SMC1A: variants seen among roughly 807,000 people sequenced by gnomAD.
SMC1A encodes the protein structural maintenance of chromosomes 1A, also known as structural maintenance of chromosomes protein 1A.
Under a neutral mutation model 94.5 loss-of-function variants are expected in SMC1A, and 4 were observed. The ratio of observed to expected loss-of-function variants is 0.04; its 90% CI spans 0.02 to 0.10. The LOEUF (loss-of-function observed/expected upper bound fraction) is 0.10, where lower values mean the gene tolerates loss of function less well. SMC1A is among the 10% of genes least tolerant of loss of function. SMC1A has a pLI of 1.00. For synonymous variants in SMC1A, 345 were observed against 347.7 expected, an observed-to-expected ratio of 0.99 and a Z score of 0.09; for missense variants, 304 against 989.0, an observed-to-expected ratio of 0.31 and a Z score of 9.29.
intron 5 of SMC1A, 46 bp downstream of exon 5, chrX:53,412,854 G>A (rs1049578432): frequency 1.8e-5 from 22 of 1,208,536 alleles, no homozygotes; most frequent in Non-Finnish European, 2.2e-5. Flanking sequence ...TAAACAGCAC[G>A]GCCTCTTGGT....
chrX:53,394,885 T>A lies in SMC1A; in HGVS notation c.2866A>T (p.Ser956Cys). 1.7e-6 allele frequency: 2 copies of A among 1,147,198 alleles called. No homozygotes were observed. The highest frequency in any genetic ancestry group is 2.4e-6 in the Non-Finnish European group (2 of 836,674). 94.5% of individuals were successfully genotyped at this position (1,147,198 alleles called of 1,213,427 possible). Residue 956 changes from serine (S) to cysteine (C), a missense_variant, in exon 19 of 25, where the codon AGC becomes TGC. Ser to Cys is a moderately radical substitution (Grantham distance 112). Coordinates refer to ENST00000322213, the MANE Select transcript of SMC1A (RefSeq NM_006306.4). ...CTCACTGAGTCCTCCCCCTGGGAGC[T>A]ACCCTGCAATGGCAACGGAGAGTCA... The part of the protein sequence containing the change: ...TMDDISQEEG[S>C]SQGEDSVSGS...
In SMC1A at chrX:53,418,995, C is replaced by A. The variant is rs1275574527; in HGVS notation, c.109+3497G>T. Reference sequence around the variant, plus strand: ...GGTGGAGGTTACAGTGAGCTGAGATCGCGCCACTGCACTCCAACCTGGGCG... The same window carrying A: ...GGTGGAGGTTACAGTGAGCTGAGATAGCGCCACTGCACTCCAACCTGGGCG... On this transcript the variant is annotated intron_variant, in intron 1 of 24. Coordinates refer to ENST00000322213, the MANE Select transcript of SMC1A (RefSeq NM_006306.4). Among the ~76,000 whole-genome samples, 7 of 97,566 alleles carry A rather than the reference C, an allele frequency of 7.2e-5. No homozygotes were observed. The Admixed American group carries it at 8.3e-4, about 12-fold the overall frequency. The allele number at this position is 97,566 out of a possible 115,157, so 84.7% of individuals were successfully genotyped here. A position where few individuals can be genotyped will look rare whatever the true frequency, so the allele number is the denominator to read the frequency against.
intron 22 of SMC1A, 35 bp from the exon 23 acceptor site, chrX:53,381,122 G>T: frequency 1.1e-6 from 1 of 949,988 alleles, no homozygotes. Flanking sequence ...TGACACTGAG[G>T]CGGGGAGGGG....
At position 53,377,083 on chromosome X, in the gene SMC1A, T is replaced by C. The variant is rs1346759306; in HGVS notation, c.*3020A>G. On this transcript the variant is annotated 3_prime_UTR_variant, in exon 25 of 25. Coordinates refer to ENST00000322213, the MANE Select transcript of SMC1A (RefSeq NM_006306.4). The stretch of plus-strand genomic sequence containing the variant: ...TGTGGTGCCCAGCCTCCCGTGAGCA[T>C]AGCCTTGACAACGGTTGCCCTGTGA... 3.6e-5 allele frequency: 4 copies of C among 112,034 alleles called. No individual in the cohort carries two copies. The highest frequency in any genetic ancestry group is 7.5e-5 in the Non-Finnish European group (4 of 53,221). 9.2% of individuals were successfully genotyped at this position (112,034 alleles called of 1,213,427 possible).
intron 15 of SMC1A, 113 bp from the exon 16 acceptor site, chrX:53,399,843 CAG>C (rs1470297949): frequency 1.3e-6 from 1 of 745,897 alleles, no homozygotes; most frequent in Non-Finnish European, 2.0e-6. Flanking sequence ...CTCAGGGACC[CAG>C]AGTTACTGAT....
chrX:53,397,306 T>C (rs1205428563), intron 16 of SMC1A, among the ~76,000 whole-genome samples: 2 of 111,864 alleles, frequency 1.8e-5, no homozygotes, highest in African/African-American at 6.5e-5. Context: ...GGGGGCCTGG[T>C]GGAGTGGCTT....
At position 53,405,759 on chromosome X, in the gene SMC1A, A is replaced by T. The variant is rs782452183; in HGVS notation, c.1731+12T>A. 8.3e-7 allele frequency: 1 copy of T among 1,209,550 alleles called. No homozygotes were observed. The highest frequency in any genetic ancestry group is 2.2e-5 in the Admixed American group (1 of 45,830). On this transcript the variant is annotated intron_variant, in intron 10 of 24. Coordinates refer to ENST00000322213, the MANE Select transcript of SMC1A (RefSeq NM_006306.4). ...TGAACACTGGCCTGACCCAATCCCC[A>T]ACAAGCCTCACCTCCAGGTAGTCAA...
chrX:53,396,522 G>A lies in SMC1A; in HGVS notation c.2658C>T (p.Asp886=). Residue 886 remains aspartate (D), a synonymous_variant, in exon 17 of 25, where the codon GAC becomes GAT. Coordinates refer to ENST00000322213, the MANE Select transcript of SMC1A (RefSeq NM_006306.4). Reference sequence around the variant, plus strand: ...GAATCTCCTCCATCTCATGATTCTTGTCATTCACTTCCGACTTCTTGGCCA... The same window carrying A: ...GAATCTCCTCCATCTCATGATTCTTATCATTCACTTCCGACTTCTTGGCCA... ...QHLAKKSEVN[D]KNHEMEEIRK... is the part of the protein sequence containing the mutation. 8.3e-7 allele frequency: 1 copy of A among 1,210,917 alleles called. No individual in the cohort carries two copies. The highest frequency in any genetic ancestry group is 1.1e-6 in the Non-Finnish European group (1 of 895,250).
rs2075560891 is a variant in SMC1A, at chrX:53,376,680, C to T, written c.*3423G>A. On this transcript the variant is annotated 3_prime_UTR_variant, in exon 25 of 25. Transcript: ENST00000322213. ...CCTCAACTGGCTAATTCCTACCCGT[C>T]CCTCAAGACTCAGTTCAGGTATCAC... The T allele has an allele frequency of 9.0e-6, 1 of 111,535 alleles. No homozygotes were observed. Among genetic ancestry groups the T allele is most frequent in the Non-Finnish European group, 1.9e-5 (1 of 53,134 alleles). The allele number at this position is 111,535 out of a possible 1,213,427, so 9.2% of individuals were successfully genotyped here. A position where few individuals can be genotyped will look rare whatever the true frequency, so the allele number is the denominator to read the frequency against.
At chrX:53,402,980 C>A (rs985197422) in intron 15 of SMC1A, among the ~76,000 whole-genome samples, 1 of 100,792 alleles carries the variant, frequency 9.9e-6, no homozygotes, top group African/African-American at 3.7e-5. Flanking sequence ...CGAGCCTGGG[C>A]AATGTGGCAA....
At chrX:53,397,679 A>G (rs1454851077) in intron 16 of SMC1A, among the ~76,000 whole-genome samples, 1 of 112,216 alleles carries the variant, frequency 8.9e-6, no homozygotes, top group Non-Finnish European at 1.9e-5. Context: ...AGAGAATGCA[A>G]AAGATAATGC....
chrX:53,401,036 TCA>T (rs1556888826), intron 15 of SMC1A, among the ~76,000 whole-genome samples: 1 of 111,266 alleles, frequency 9.0e-6, no homozygotes, highest in Non-Finnish European at 1.9e-5. Flanking sequence ...GCATGCTCTC[TCA>T]CACTTCCAAG....
intron 19 of SMC1A, among the ~76,000 whole-genome samples, chrX:53,390,006 C>T (rs1240806611): frequency 2.9e-5 from 3 of 104,926 alleles, no homozygotes; most frequent in Non-Finnish European, 5.9e-5. Context: ...CGTGCCACCA[C>T]GGCCAGCTAA....
chrX:53,404,852 A>C, intron 13 of SMC1A, 160 bp downstream of exon 13: 2 of 564,228 alleles, frequency 3.5e-6, no homozygotes, highest in East Asian at 7.2e-5. Flanking sequence ...GGCAGAGCCA[A>C]GCTCTGAACC....
chrX:53,418,948 C>T (rs974569717), intron 1 of SMC1A, among the ~76,000 whole-genome samples: 2 of 102,668 alleles, frequency 1.9e-5, no homozygotes, highest in Admixed American at 1.1e-4. Context: ...GGCTGAGGCA[C>T]GAGAATCGCT....
At chrX:53,396,199 C>T in intron 18 of SMC1A, 28 bp downstream of exon 18, 2 of 1,204,733 alleles carry the variant, frequency 1.7e-6, no homozygotes, top group Non-Finnish European at 2.2e-6. Flanking sequence ...GTTCATCGCC[C>T]ACTCCCACCA....
chrX:53,409,539 G>A (rs369439168), intron 7 of SMC1A, 36 bp from the exon 8 acceptor site: 10 of 1,101,895 alleles, frequency 9.1e-6, no homozygotes, highest in African/African-American at 3.6e-5. Flanking sequence ...GGGGCTGCAC[G>A]AGTTTACGCC....
chrX:53,408,512 GAACCCA>G (rs1212212748), intron 9 of SMC1A, among the ~76,000 whole-genome samples: 4 of 111,746 alleles, frequency 3.6e-5, no homozygotes, highest in Non-Finnish European at 7.5e-5. Flanking sequence ...AAACTAAGTT[GAACCCA>G]GGTATGGGAT....
At chrX:53,408,153 A>AC (rs2075697916) in intron 9 of SMC1A, among the ~76,000 whole-genome samples, 2 of 111,422 alleles carry the variant, frequency 1.8e-5, no homozygotes. Flanking sequence ...ACATGGTGAA[A>AC]CCCCGTCTCT....
Sources: allele counts gnomAD v4.1 joint callset (sites outside exome capture counted in the v4.1 genomes callset), GRCh38; gene constraint gnomAD v4.1.1; transcripts MANE v1.5; gene names NCBI Gene and HGNC (gene_info 2026-07-23, HGNC 2026-07-21).